Variants in PPP6R3 observed in about 807,000 individuals in gnomAD.
The protein encoded by PPP6R3 is serine/threonine-protein phosphatase 6 regulatory subunit 3.
PPP6R3 carries 38 observed loss-of-function variants against 110.7 expected under a neutral mutation model. That is an observed-to-expected ratio of 0.34 (90% confidence interval 0.26 to 0.45). The LOEUF (loss-of-function observed/expected upper bound fraction) is 0.45, where lower values mean the gene tolerates loss of function less well. Ranked by LOEUF, PPP6R3 falls within the 20% of genes least tolerant of loss-of-function variation. The probability of loss-of-function intolerance (pLI) is 1.00; values close to 1 mark genes in which losing one functional copy is unlikely to be tolerated. For missense variants in PPP6R3, 870 were observed against 1,062.4 expected (o/e 0.82, Z 2.52); for synonymous variants, 369 against 373.5 (o/e 0.99, Z 0.14).
intron 1 of PPP6R3, among the ~76,000 whole-genome samples, chr11:68,466,988 G>T (rs1253729604): frequency 6.6e-6 from 1 of 151,996 alleles, no homozygotes. Flanking sequence ...TGAGCCGCCC[G>T]CCTTGGCCTC....
chr11:68,614,061 A>G lies in PPP6R3; in HGVS notation c.*944A>G, dbSNP rs986695784. ...ATTTAACAGACCTAAAATAAATCCT[A>G]TTAGGCAAGTCAGTTGAAAATGCTC... is the stretch of plus-strand genomic sequence containing the variant. On this transcript the variant is annotated 3_prime_UTR_variant, in exon 24 of 24. Transcript: ENST00000393800. 9 of 985,704 alleles carry G rather than the reference A, an allele frequency of 9.1e-6. No individual in the cohort carries two copies. The Admixed American group carries it at 1.8e-4, about 20-fold the overall frequency. The allele number at this position is 985,704 out of a possible 1,614,324, so 61.1% of individuals were successfully genotyped here.
intron 2 of PPP6R3, among the ~76,000 whole-genome samples, chr11:68,526,253 A>ATTTTT (rs956543918): frequency 7.0e-6 from 1 of 142,780 alleles, no homozygotes; most frequent in Non-Finnish European, 1.5e-5. Flanking sequence ...TTTGACTTAC[A>ATTTTT]TTTTTTTTTT....
intron 22 of PPP6R3, among the ~76,000 whole-genome samples, chr11:68,608,677 G>A (rs1941704017): frequency 6.6e-6 from 1 of 152,224 alleles, no homozygotes; most frequent in South Asian, 2.1e-4. Flanking sequence ...AGTGGTAGGT[G>A]CACGCCACGG....
At chr11:68,602,018 G>T in intron 21 of PPP6R3, 49 bp downstream of exon 21, 1 of 1,444,800 alleles carries the variant, frequency 6.9e-7, no homozygotes, top group Non-Finnish European at 9.5e-7. Context: ...TGGCTGCTTT[G>T]TCAAACCAGA....
intron 15 of PPP6R3, among the ~76,000 whole-genome samples, chr11:68,585,540 T>C (rs79377878): frequency 0.063 from 9,654 of 152,320 alleles, 335 homozygotes; most frequent in Middle Eastern, 0.13. Context: ...TTTCCAGATA[T>C]AGGTTTCTCA....
rs573960484 is a variant in PPP6R3 at position 68,547,927 on chromosome 11, C to A, written c.415-140C>A. The A allele has an allele frequency of 2.8e-4, 238 of 835,470 alleles. 1 individual carries two copies. The African/African-American group carries it at 3.7e-3, about 13-fold the overall frequency. The allele number at this position is 835,470 out of a possible 1,614,324, so 51.8% of individuals were successfully genotyped here. On this transcript the variant is annotated intron_variant, in intron 4 of 23. Coordinates refer to ENST00000393800, the MANE Select transcript of PPP6R3 (RefSeq NM_001164161.2). The stretch of plus-strand genomic sequence containing the variant: ...ATTAGCCAGGCTTTCCAATTTGATA[C>A]CTTGTTGCTAATTCAGCATTTGCCA...
At chr11:68,548,036 G>A in intron 4 of PPP6R3, 31 bp from the exon 5 acceptor site, 1 of 1,597,124 alleles carries the variant, frequency 6.3e-7, no homozygotes, top group East Asian at 2.3e-5. Flanking sequence ...CAAGTTACAT[G>A]TCTTTCAGTT....
At position 68,471,282 on chromosome 11, in the gene PPP6R3, C is replaced by CAA. The variant is rs34619002; in HGVS notation, c.-158+10472_-158+10473dup. Reference sequence around the variant, plus strand: ...TGGGTGACAGAGCGAGATTCTGTCTCAAAAAAAAAAAAAAAAAAGAAAAAG... The same window carrying CAA: ...TGGGTGACAGAGCGAGATTCTGTCTCAAAAAAAAAAAAAAAAAAAAGAAAAAG... On this transcript the variant is annotated intron_variant, in intron 1 of 23. Transcript: ENST00000393800. Among the ~76,000 whole-genome samples the CAA allele has an allele frequency of 9.6e-4, 55 of 57,242 alleles. No individual in the cohort carries two copies. The East Asian group carries it at 0.019, about 19-fold the overall frequency. The allele number at this position is 57,242 out of a possible 152,430, so 37.6% of individuals were successfully genotyped here. A position where few individuals can be genotyped will look rare whatever the true frequency, so the allele number is the denominator to read the frequency against.
chr11:68,550,900 TG>T, intron 5 of PPP6R3: 1 of 463,282 alleles, frequency 2.2e-6, no homozygotes, highest in Non-Finnish European at 3.8e-6. Context: ...GTGTGGGTAT[TG>T]TAATTTGGGG....
intron 1 of PPP6R3, among the ~76,000 whole-genome samples, chr11:68,514,767 T>C (rs933757378): frequency 1.3e-5 from 2 of 152,108 alleles, no homozygotes; most frequent in Non-Finnish European, 2.9e-5. Context: ...GTATTTTTAG[T>C]AGAGACGGGG....
In PPP6R3 at chr11:68,614,821, G is replaced by A; in HGVS notation, c.*1704G>A. 1 of 1,407,814 alleles carries A rather than the reference G, an allele frequency of 7.1e-7. No homozygotes were observed. The highest frequency in any genetic ancestry group is 1.2e-5 in the South Asian group (1 of 80,894). 87.2% of individuals were successfully genotyped at this position (1,407,814 alleles called of 1,614,324 possible). ...ACCCCCAGAGGACAGGGCTCCTCCT[G>A]CTTGCCTCAGGGCTGCCTGACTTGA... is the stretch of plus-strand genomic sequence containing the variant. On this transcript the variant is annotated 3_prime_UTR_variant, in exon 24 of 24. Transcript: ENST00000393800.
In PPP6R3 at chr11:68,590,729, T is replaced by C. The variant is rs2099592499; in HGVS notation, c.1785+15T>C. The C allele has an allele frequency of 3.2e-6, 5 of 1,573,130 alleles. No homozygotes were observed. The Middle Eastern group carries it at 6.9e-4, about 218-fold the overall frequency. On this transcript the variant is annotated intron_variant, in intron 17 of 23. Coordinates refer to ENST00000393800, the MANE Select transcript of PPP6R3 (RefSeq NM_001164161.2). ...CAAATGAAAGTGTAAGTATAAACTC[T>C]GTTGTGAGCAGTGTGGCACATGAGA...
chr11:68,461,152 C>T (rs1277517723), intron 1 of PPP6R3, among the ~76,000 whole-genome samples: 2 of 150,710 alleles, frequency 1.3e-5, no homozygotes, highest in African/African-American at 4.9e-5. Flanking sequence ...GCCCCTGACC[C>T]GGCTCTGGCT....
intron 1 of PPP6R3, among the ~76,000 whole-genome samples, chr11:68,482,335 A>G (rs1591773429): frequency 6.7e-6 from 1 of 149,716 alleles, no homozygotes; most frequent in South Asian, 2.1e-4. Context: ...AACCGCTTGA[A>G]CCCGGGAGGC....
chr11:68,497,651 A>C (rs2099025692), intron 1 of PPP6R3, among the ~76,000 whole-genome samples: 1 of 152,204 alleles, frequency 6.6e-6, no homozygotes, highest in Non-Finnish European at 1.5e-5. Flanking sequence ...CACTGCGCCC[A>C]ACCTTGTACA....
intron 2 of PPP6R3, among the ~76,000 whole-genome samples, chr11:68,537,307 C>A (rs2099276027): frequency 6.6e-6 from 1 of 152,158 alleles, no homozygotes; most frequent in South Asian, 2.1e-4. Flanking sequence ...TCACTTGTTG[C>A]TGAAGATATT....
intron 1 of PPP6R3, among the ~76,000 whole-genome samples, chr11:68,466,441 T>C (rs2098746381): frequency 6.7e-6 from 1 of 149,634 alleles, no homozygotes; most frequent in Non-Finnish European, 1.5e-5. Flanking sequence ...TTCTTTTTTT[T>C]TTTTTTTTTT....
intron 2 of PPP6R3, among the ~76,000 whole-genome samples, chr11:68,520,116 G>A (rs778894637): frequency 4.6e-5 from 7 of 152,202 alleles, no homozygotes; most frequent in Non-Finnish European, 8.8e-5. Flanking sequence ...ATTAGAGATT[G>A]AATTTGCATA....
chr11:68,512,144 A>G (rs2099113992), intron 1 of PPP6R3, among the ~76,000 whole-genome samples: 1 of 152,164 alleles, frequency 6.6e-6, no homozygotes. Context: ...TTTGGATTGG[A>G]AATAGTTTTC....
Sources: gnomAD v4.1 joint callset for allele counts (sites outside exome capture counted in the v4.1 genomes callset) on GRCh38, gnomAD v4.1.1 for gene constraint, MANE v1.5 for transcripts, NCBI Gene and HGNC (gene_info 2026-07-23, HGNC 2026-07-21) for gene names.